The following SNX29 variants were observed in gnomAD, a reference collection of about 807,000 sequenced individuals.
SNX29 encodes the protein sorting nexin-29.
A neutral mutation model predicts 102.1 loss-of-function variants in SNX29; 78 were observed. The ratio of observed to expected loss-of-function variants is 0.76; its 90% CI spans 0.64 to 0.92. SNX29 has a LOEUF of 0.92. Among genes scored for constraint, SNX29 ranks in the 40% least tolerant of loss-of-function variants. The pLI is 0.00. For missense variants in SNX29, 1,280 were observed against 1,061.7 expected (o/e 1.21, Z -2.86); for synonymous variants, 580 against 414.5 (o/e 1.40, Z -4.85).
intron 16 of SNX29, among the ~76,000 whole-genome samples, chr16:12,384,865 G>A (rs1470286857): frequency 6.6e-6 from 1 of 152,016 alleles, no homozygotes; most frequent in Non-Finnish European, 1.5e-5. Context: ...TGGTGTAATG[G>A]ACACATATAA....
At chr16:12,063,084 C>G (rs926029679) in intron 9 of SNX29, among the ~76,000 whole-genome samples, 5 of 152,172 alleles carry the variant, frequency 3.3e-5, no homozygotes, top group Admixed American at 2.6e-4. Context: ...CCCTGATGAA[C>G]TCATCTGCTC....
intron 19 of SNX29, among the ~76,000 whole-genome samples, chr16:12,517,420 C>G (rs1211781616): frequency 6.6e-6 from 1 of 152,208 alleles, no homozygotes; most frequent in Non-Finnish European, 1.5e-5. Flanking sequence ...TCACTTGCTC[C>G]CTGGTGTTCG....
rs1475952296 is a variant in SNX29, at chr16:12,571,015, T to C, written c.*2386T>C. On this transcript the variant is annotated 3_prime_UTR_variant, in exon 21 of 21. Transcript: ENST00000566228. ...ATGCACAGACCGTAGAGTCGAGTCA[T>C]CTCGCAGATCCAGACCATCTCCTCT... 4.3e-6 allele frequency: 1 copy of C among 232,590 alleles called. No individual in the cohort carries two copies. The highest frequency in any genetic ancestry group is 2.2e-5 in the African/African-American group (1 of 45,302). 14.4% of individuals were successfully genotyped at this position (232,590 alleles called of 1,614,324 possible). A position where few individuals can be genotyped will look rare whatever the true frequency, so the allele number is the denominator to read the frequency against.
At chr16:12,332,946 G>C (rs528025914) in intron 15 of SNX29, among the ~76,000 whole-genome samples, 3 of 151,974 alleles carry the variant, frequency 2.0e-5, no homozygotes, top group Admixed American at 2.0e-4. Flanking sequence ...ACCCCTGCTC[G>C]TGCGGTTAGT....
At chr16:12,008,980 G>A (rs145489471) in intron 3 of SNX29, among the ~76,000 whole-genome samples, 2 of 151,898 alleles carry the variant, frequency 1.3e-5, no homozygotes, top group East Asian at 3.9e-4. Flanking sequence ...GACCTCAAGT[G>A]ATCCACCTGC....
At chr16:12,128,767 T>C (rs1320171674) in intron 12 of SNX29, among the ~76,000 whole-genome samples, 1 of 152,170 alleles carries the variant, frequency 6.6e-6, no homozygotes, top group East Asian at 1.9e-4. Flanking sequence ...TTTGCTTATA[T>C]CCTGATGTCA....
At chr16:12,528,034 C>T (rs1224021001) in intron 20 of SNX29, among the ~76,000 whole-genome samples, 2 of 151,692 alleles carry the variant, frequency 1.3e-5, no homozygotes, top group African/African-American at 2.4e-5. Flanking sequence ...ACCGTGTTAG[C>T]CAGGATGGTC....
chr16:12,177,660 C>A (rs897886303), intron 13 of SNX29, among the ~76,000 whole-genome samples: 2 of 152,166 alleles, frequency 1.3e-5, no homozygotes, highest in African/African-American at 2.4e-5. Flanking sequence ...ATTCACCCAC[C>A]CACCTATGCA....
chr16:12,362,784 C>T (rs1597079053), intron 16 of SNX29, among the ~76,000 whole-genome samples: 1 of 152,188 alleles, frequency 6.6e-6, no homozygotes, highest in Admixed American at 6.5e-5. Context: ...GTGTCTCTCC[C>T]TTCCTGTCTT....
At chr16:12,020,443 C>T (rs1270007745) in intron 3 of SNX29, among the ~76,000 whole-genome samples, 1 of 152,148 alleles carries the variant, frequency 6.6e-6, no homozygotes, top group African/African-American at 2.4e-5. Context: ...CTCAAGTGAT[C>T]TGCCCACCTC....
chr16:12,088,935 A>G (rs1020704962), intron 11 of SNX29, among the ~76,000 whole-genome samples: 2 of 152,172 alleles, frequency 1.3e-5, no homozygotes, highest in Non-Finnish European at 2.9e-5. Flanking sequence ...TGACAGTACA[A>G]AAATTAGCTG....
At chr16:12,250,017 C>T (rs1015373604) in intron 14 of SNX29, among the ~76,000 whole-genome samples, 5 of 152,184 alleles carry the variant, frequency 3.3e-5, no homozygotes, top group East Asian at 3.9e-4. Flanking sequence ...AGTGTGGGCT[C>T]TCCCGGGTTG....
intron 13 of SNX29, among the ~76,000 whole-genome samples, chr16:12,196,675 C>T (rs992055357): frequency 3.6e-5 from 5 of 139,930 alleles, no homozygotes; most frequent in Non-Finnish European, 6.0e-5. Context: ...GGCTGGAGTG[C>T]AGTGGCATGA....
intron 20 of SNX29, among the ~76,000 whole-genome samples, chr16:12,541,925 G>A (rs181529622): frequency 6.6e-5 from 10 of 152,224 alleles, no homozygotes; most frequent in African/African-American, 1.4e-4. Flanking sequence ...GATTGCCCAC[G>A]GTACATCCTG....
intron 14 of SNX29, among the ~76,000 whole-genome samples, chr16:12,271,175 C>G (rs113324580): frequency 1.3e-5 from 2 of 152,222 alleles, no homozygotes; most frequent in African/African-American, 4.8e-5. Context: ...CATTTACAAT[C>G]TTTGTGTGGG....
At chr16:12,532,313 T>C (rs1385913570) in intron 20 of SNX29, among the ~76,000 whole-genome samples, 1 of 152,264 alleles carries the variant, frequency 6.6e-6, no homozygotes, top group Non-Finnish European at 1.5e-5. Flanking sequence ...CACCAGACTC[T>C]GTAGCGTCAT....
At chr16:12,560,907 C>CTTTTAAAATAAAG in intron 20 of SNX29, 1 of 195,998 alleles carries the variant, frequency 5.1e-6, no homozygotes, top group Non-Finnish European at 1.1e-5. Context: ...TTTTTTAATC[C>CTTTTAAAATAAAG]TTTTAAAATA....
intron 18 of SNX29, among the ~76,000 whole-genome samples, chr16:12,428,002 A>G (rs1306906495): frequency 6.6e-6 from 1 of 152,238 alleles, no homozygotes; most frequent in Non-Finnish European, 1.5e-5. Context: ...GACACAGGAG[A>G]TTGCATGAAG....
At chr16:12,492,753 A>G (rs2088616098) in intron 19 of SNX29, among the ~76,000 whole-genome samples, 1 of 152,226 alleles carries the variant, frequency 6.6e-6, no homozygotes. Context: ...ACATATGGCT[A>G]GCCAGTTTTC....
Sources: allele counts gnomAD v4.1 joint callset (sites outside exome capture counted in the v4.1 genomes callset), GRCh38; gene constraint gnomAD v4.1.1; transcripts MANE v1.5; gene names NCBI Gene and HGNC (gene_info 2026-07-23, HGNC 2026-07-21).